Variants in CLMN observed in about 807,000 individuals in gnomAD.
The protein encoded by CLMN is calmin (calponin-like, transmembrane).
CLMN carries 57 observed loss-of-function variants against 92.7 expected under a neutral mutation model. That is an observed-to-expected ratio of 0.61 (90% confidence interval 0.50 to 0.77). The LOEUF (loss-of-function observed/expected upper bound fraction) is 0.77. Among genes scored for constraint, CLMN ranks in the 30% least tolerant of loss-of-function variants. The probability of loss-of-function intolerance (pLI) is 0.00; values close to 1 mark genes in which losing one functional copy is unlikely to be tolerated. For missense variants in CLMN, 1,158 were observed against 1,237.5 expected (o/e 0.94, Z 0.96); for synonymous variants, 466 against 470.6 (o/e 0.99, Z 0.13).
chr14:95,222,158 C>T (rs529487056), intron 3 of CLMN, among the ~76,000 whole-genome samples: 2 of 152,260 alleles, frequency 1.3e-5, no homozygotes, highest in East Asian at 3.9e-4. Context: ...CTTCGCTAAG[C>T]GGCTGCTTTT....
chr14:95,247,817 T>C (rs1398691355), intron 1 of CLMN, among the ~76,000 whole-genome samples: 1 of 151,956 alleles, frequency 6.6e-6, no homozygotes. Context: ...TGCAGGCCAT[T>C]AGCTGCTACG....
At chr14:95,268,375 TAAA>T (rs35568472) in intron 1 of CLMN, among the ~76,000 whole-genome samples, 137 of 124,004 alleles carry the variant, frequency 1.1e-3, no homozygotes, top group African/African-American at 3.3e-3. Context: ...TTATGCTATG[TAAA>T]AAAAAAAAAA....
intron 1 of CLMN, among the ~76,000 whole-genome samples, chr14:95,277,411 T>C (rs1265326013): frequency 1.3e-5 from 2 of 152,204 alleles, no homozygotes; most frequent in South Asian, 4.1e-4. Flanking sequence ...GAGCTTGACT[T>C]TCTAACCACG....
chr14:95,292,167 C>T (rs936523833), intron 1 of CLMN, among the ~76,000 whole-genome samples: 1 of 152,144 alleles, frequency 6.6e-6, no homozygotes, highest in Non-Finnish European at 1.5e-5. Flanking sequence ...ACCCTCTACA[C>T]CATTTATGTT....
chr14:95,241,812 T>C (rs1433575801), intron 1 of CLMN, among the ~76,000 whole-genome samples: 1 of 152,162 alleles, frequency 6.6e-6, no homozygotes, highest in African/African-American at 2.4e-5. Context: ...TGTCTAAATG[T>C]ATACACTCAT....
rs148836979 is a variant in CLMN at position 95,213,355 on chromosome 14, G to C, written c.472C>G (p.Pro158Ala). 2,192 of 1,613,060 alleles carry C rather than the reference G, an allele frequency of 1.4e-3. 3 individuals carry two copies. The highest frequency in any genetic ancestry group is 1.7e-3 in the Non-Finnish European group (1,963 of 1,179,662). ...TCTGAGTCTGTGCCCCCTGAGCCAG[G>C]GGACAAGCTGGAAGATGGAGAGTTT... Reference protein sequence around the residue: ...SRNSPSSSLSPGSGGTDSDSS... With the variant: ...SRNSPSSSLSAGSGGTDSDSS... The change falls in exon 6 of 13, where the codon CCT becomes GCT. Residue 158 changes from proline to alanine, a missense_variant. Coordinates refer to ENST00000298912, the MANE Select transcript of CLMN (RefSeq NM_024734.4).
chr14:95,278,984 T>C (rs769239681), intron 1 of CLMN, among the ~76,000 whole-genome samples: 42 of 152,226 alleles, frequency 2.8e-4, no homozygotes, highest in Non-Finnish European at 5.6e-4. Context: ...GCCAGTAATC[T>C]AATTAAATTT....
intron 1 of CLMN, among the ~76,000 whole-genome samples, chr14:95,268,983 T>C (rs1296982207): frequency 2.6e-5 from 4 of 151,854 alleles, no homozygotes; most frequent in Non-Finnish European, 5.9e-5. Context: ...TTTGTATTTT[T>C]AGCAGAGACA....
intron 1 of CLMN, among the ~76,000 whole-genome samples, chr14:95,290,905 C>T (rs529717468): frequency 2.0e-5 from 3 of 152,154 alleles, no homozygotes; most frequent in African/African-American, 4.8e-5. Flanking sequence ...CTAGGGATAC[C>T]GACGCAGAAT....
Position 95,185,481 on chromosome 14 carries a change from C to A in CLMN, c.*6083G>T. 6.6e-6 allele frequency: 1 copy of A among 152,482 alleles called. No homozygotes were observed. The highest frequency in any genetic ancestry group is 1.5e-5 in the Non-Finnish European group (1 of 68,164). The allele number at this position is 152,482 out of a possible 1,614,324, so 9.4% of individuals were successfully genotyped here. The stretch of plus-strand genomic sequence containing the variant: ...CCCTCATCAGTTGGATGGGACAGAA[C>A]AACCTGCTATGTGGTGATGGTTCCA... On this transcript the variant is annotated 3_prime_UTR_variant, in exon 13 of 13. Transcript: ENST00000298912.
At chr14:95,204,500 A>C (rs750336651) in intron 8 of CLMN, 37 bp from the exon 9 acceptor site, 126 of 1,510,330 alleles carry the variant, frequency 8.3e-5, no homozygotes, top group South Asian at 8.3e-4. Flanking sequence ...ACAAAAAAAA[A>C]CAAAAGAACA....
intron 8 of CLMN, 49 bp from the exon 9 acceptor site, chr14:95,204,512 C>T (rs1334428206): frequency 1.4e-6 from 2 of 1,477,594 alleles, no homozygotes; most frequent in Non-Finnish European, 9.0e-7. Context: ...AAAAGAACAA[C>T]AACAAAAAAA....
Position 95,194,256 on chromosome 14 carries a change from T to C in CLMN, c.2769+280A>G, listed in dbSNP as rs1274192037. On this transcript the variant is annotated intron_variant, in intron 11 of 12. Transcript: ENST00000298912. The surrounding 1 kb of genome is among the most constrained non-coding windows in gnomAD (Gnocchi z 4.0). Reference sequence around the variant, plus strand: ...CCTCTGTCTCTGAACGTGATCCTTCTGGGTGCGCGCGGGGTCCAGGTGAGG... The same window carrying C: ...CCTCTGTCTCTGAACGTGATCCTTCCGGGTGCGCGCGGGGTCCAGGTGAGG... 3 of 1,389,006 alleles carry C rather than the reference T, an allele frequency of 2.2e-6. No individual in the cohort carries two copies. Among genetic ancestry groups the C allele is most frequent in the Non-Finnish European group, 2.8e-6 (3 of 1,077,642 alleles). The allele number at this position is 1,389,006 out of a possible 1,614,324, so 86.0% of individuals were successfully genotyped here. A position where few individuals can be genotyped will look rare whatever the true frequency, so the allele number is the denominator to read the frequency against.
At chr14:95,298,489 G>A (rs571698148) in intron 1 of CLMN, among the ~76,000 whole-genome samples, 2 of 152,252 alleles carry the variant, frequency 1.3e-5, no homozygotes, top group South Asian at 4.1e-4. Flanking sequence ...AAGTGGAGAG[G>A]GTCAGTCATA....
chr14:95,275,227 C>T (rs1166687355), intron 1 of CLMN, among the ~76,000 whole-genome samples: 4 of 152,254 alleles, frequency 2.6e-5, no homozygotes, highest in South Asian at 4.1e-4. Context: ...ACCTACAGGG[C>T]TGCATTGCCC....
Position 95,191,515 on chromosome 14 carries a change from C to T in CLMN, c.*49G>A. On this transcript the variant is annotated 3_prime_UTR_variant, in exon 13 of 13. Coordinates refer to ENST00000298912, the MANE Select transcript of CLMN (RefSeq NM_024734.4). This position sits in a 1 kb window ranked among gnomAD's most constrained non-coding sequence, Gnocchi z 5.3. ...CAGAACCCAAAATAAAATGAAGTAACCCCGCCCCTGGTCAGGGTCCTGTCT... is the reference window on the plus strand; with the variant it reads ...CAGAACCCAAAATAAAATGAAGTAATCCCGCCCCTGGTCAGGGTCCTGTCT... 6.6e-7 allele frequency: 1 copy of T among 1,523,200 alleles called. No individual in the cohort carries two copies. The highest frequency in any genetic ancestry group is 2.4e-5 in the East Asian group (1 of 41,788). 94.4% of individuals were successfully genotyped at this position (1,523,200 alleles called of 1,614,324 possible).
chr14:95,197,975 T>G (rs2140564837), intron 9 of CLMN, among the ~76,000 whole-genome samples: 1 of 152,218 alleles, frequency 6.6e-6, no homozygotes, highest in East Asian at 1.9e-4. Flanking sequence ...TATTTATTTT[T>G]TCAAGATCAG....
At chr14:95,291,124 T>C (rs1900548170) in intron 1 of CLMN, among the ~76,000 whole-genome samples, 1 of 152,186 alleles carries the variant, frequency 6.6e-6, no homozygotes, top group Admixed American at 6.5e-5. Context: ...GAAACCACCT[T>C]GGAAAAAGCT....
At position 95,294,883 on chromosome 14, in the gene CLMN, A is replaced by C. The variant is rs1262006041; in HGVS notation, c.82+24828T>G. Among the ~76,000 whole-genome samples the C allele has an allele frequency of 3.9e-5, 6 of 152,210 alleles. No homozygotes were observed. Among genetic ancestry groups the C allele is most frequent in the Non-Finnish European group, 7.3e-5 (5 of 68,030 alleles). ...CCGCTCCTTAGCTGTGGTTTTGGCC[A>C]GGGCTGCATTCTTCCACCTGGGCCC... On this transcript the variant is annotated intron_variant, in intron 1 of 12. Coordinates refer to ENST00000298912, the MANE Select transcript of CLMN (RefSeq NM_024734.4). The surrounding 1 kb of genome is among the most constrained non-coding windows in gnomAD (Gnocchi z 4.2).
Sources: allele counts gnomAD v4.1 joint callset (sites outside exome capture counted in the v4.1 genomes callset), GRCh38; gene constraint gnomAD v4.1.1; non-coding constraint Gnocchi (gnomAD v3.1); transcripts MANE v1.5; gene names NCBI Gene and HGNC (gene_info 2026-07-23, HGNC 2026-07-21).